PCDHGA4: variants seen among roughly 807,000 people sequenced by gnomAD.
PCDHGA4 encodes protocadherin gamma-A4.
PCDHGA4 carries 38 observed loss-of-function variants against 54.6 expected under a neutral mutation model. The ratio of observed to expected loss-of-function variants is 0.70; its 90% confidence interval spans 0.54 to 0.91. The LOEUF is 0.91. PCDHGA4 is among the 40% of genes least tolerant of loss of function. The pLI, the probability that PCDHGA4 is intolerant of heterozygous loss-of-function variation, is 0.00. For missense variants in PCDHGA4, 1,298 were observed against 1,220.9 expected, an observed-to-expected ratio of 1.06 and a Z score of -0.94; for synonymous variants, 511 against 512.9, an observed-to-expected ratio of 1.00 and a Z score of 0.05.
chr5:141,400,129 C>T (rs530393607), intron 1 of PCDHGA4: 1 of 1,614,104 alleles, frequency 6.2e-7, no homozygotes, highest in Admixed American at 1.7e-5. Flanking sequence ...GCAGGAGGTG[C>T]TGCCGGATAT....
chr5:141,399,356 A>G, intron 1 of PCDHGA4: 1 of 1,614,010 alleles, frequency 6.2e-7, no homozygotes, highest in Non-Finnish European at 8.5e-7. Flanking sequence ...GACCGAGAGC[A>G]AACCCCGGAG....
intron 3 of PCDHGA4, among the ~76,000 whole-genome samples, chr5:141,506,190 C>T (rs1313145580): frequency 6.6e-6 from 1 of 152,180 alleles, no homozygotes; most frequent in Non-Finnish European, 1.5e-5. Flanking sequence ...GTGGCTCACG[C>T]CTGTAATCCC....
chr5:141,385,626 G>T, intron 1 of PCDHGA4: 1 of 1,001,778 alleles, frequency 1.0e-6, no homozygotes, highest in Non-Finnish European at 1.3e-6. Flanking sequence ...ACATTGGAAT[G>T]AATCGAGTCT....
At chr5:141,447,937 T>A (rs1036604034) in intron 1 of PCDHGA4, among the ~76,000 whole-genome samples, 1 of 151,852 alleles carries the variant, frequency 6.6e-6, no homozygotes, top group Non-Finnish European at 1.5e-5. Context: ...AATACAAAAA[T>A]TAGCTGGGCA....
At chr5:141,463,682 G>A (rs62379195) in intron 1 of PCDHGA4, among the ~76,000 whole-genome samples, 7,165 of 151,926 alleles carry the variant, frequency 0.047, 241 homozygotes, top group Middle Eastern at 0.095. Context: ...GGATGACCTC[G>A]TGATCTGCTC....
rs375569568 is a variant in PCDHGA4, at chr5:141,357,473, C to T, written c.2366C>T (p.Ser789Phe). 69 of 1,614,098 alleles carry T rather than the reference C, an allele frequency of 4.3e-5. No individual in the cohort carries two copies. The highest frequency in any genetic ancestry group is 5.3e-5 in the Non-Finnish European group (63 of 1,180,050). The stretch of plus-strand genomic sequence containing the variant: ...CTGCAGACCTATTCCCACGAGGTCT[C>T]CCTCACCGCGGACTCGCGGAAGAGT... ...AFLQTYSHEV[S>F]LTADSRKSHL... The change falls in exon 1 of 4, where the codon TCC becomes TTC. Residue 789 changes from serine to phenylalanine, a missense_variant. Ser to Phe is a radical substitution (Grantham distance 155, BLOSUM62 -2). Transcript: ENST00000571252.
In PCDHGA4 at chr5:141,487,086, TCCCACCACAGAAG is replaced by T. The variant is rs2099639456; in HGVS notation, c.2515-7719_2515-7707del. 6.2e-7 allele frequency: 1 copy of T among 1,613,822 alleles called. No homozygotes were observed. ...ACGGCTGTTCCTATCCCAGCTGACC[TCCCACCACAGAAG>T]CTGGTCATTGTGGTAAAGGATAGTG... On this transcript the variant is annotated intron_variant, in intron 1 of 3. Coordinates refer to ENST00000571252, the MANE Select transcript of PCDHGA4 (RefSeq NM_018917.4). The surrounding 1 kb of genome is among the most constrained non-coding windows in gnomAD (Gnocchi z 5.0).
At chr5:141,405,173 G>A (rs774181376) in intron 1 of PCDHGA4, 1 of 1,614,122 alleles carries the variant, frequency 6.2e-7, no homozygotes, top group Non-Finnish European at 8.5e-7. Context: ...CTCACACTTT[G>A]TGGGTGTAGA....
At chr5:141,366,323 G>A in intron 1 of PCDHGA4, 1 of 1,613,796 alleles carries the variant, frequency 6.2e-7, no homozygotes, top group Non-Finnish European at 8.5e-7. Flanking sequence ...CGTTGCCGTG[G>A]CCGACAGGAT....
intron 1 of PCDHGA4, among the ~76,000 whole-genome samples, chr5:141,437,390 A>T (rs1422429346): frequency 6.6e-6 from 1 of 152,248 alleles, no homozygotes; most frequent in Non-Finnish European, 1.5e-5. Flanking sequence ...ACATTCATCC[A>T]CTGCTTTCAT....
intron 1 of PCDHGA4, among the ~76,000 whole-genome samples, chr5:141,472,862 T>C (rs770564770): frequency 1.3e-5 from 2 of 150,322 alleles, no homozygotes; most frequent in South Asian, 4.2e-4. Flanking sequence ...GGCACATGCC[T>C]GTATTCCCAG....
intron 1 of PCDHGA4, among the ~76,000 whole-genome samples, chr5:141,445,007 G>A (rs771023003): frequency 1.5e-4 from 23 of 151,994 alleles, no homozygotes; most frequent in Non-Finnish European, 2.4e-4. Flanking sequence ...ATTTAATTAG[G>A]TCTTTAATTT....
chr5:141,370,380 G>C (rs1407234552), intron 1 of PCDHGA4: 1 of 1,532,358 alleles, frequency 6.5e-7, no homozygotes, highest in Non-Finnish European at 8.8e-7. Context: ...GAAAGGCAAA[G>C]GCGCAGAGAG....
intron 1 of PCDHGA4, among the ~76,000 whole-genome samples, chr5:141,429,903 T>C (rs1276564046): frequency 2.0e-5 from 3 of 152,252 alleles, no homozygotes; most frequent in African/African-American, 7.2e-5. Flanking sequence ...TAAATATTTT[T>C]GAAATATAAT....
chr5:141,393,307 ACTC>A, intron 1 of PCDHGA4: 1 of 1,613,594 alleles, frequency 6.2e-7, no homozygotes, highest in East Asian at 2.2e-5. Flanking sequence ...GTGGGCGTGA[ACTC>A]CCTCCAGAGC....
At chr5:141,464,426 G>GAT (rs1287556960) in intron 1 of PCDHGA4, among the ~76,000 whole-genome samples, 1 of 151,096 alleles carries the variant, frequency 6.6e-6, no homozygotes, top group African/African-American at 2.4e-5. Flanking sequence ...TATATATATA[G>GAT]ATATATATGT....
At chr5:141,417,628 A>T (rs2096139720) in intron 1 of PCDHGA4, 1 of 692,650 alleles carries the variant, frequency 1.4e-6, no homozygotes, top group Non-Finnish European at 2.3e-6. Context: ...GCAAGCGCTG[A>T]CGCCGGGGAT....
At position 141,359,043 on chromosome 5, in the gene PCDHGA4, T is replaced by C. The variant is rs1437297032; in HGVS notation, c.2514+1422T>C. Among the ~76,000 whole-genome samples, 8 of 152,376 alleles carry C rather than the reference T, an allele frequency of 5.3e-5. No individual in the cohort carries two copies. In the East Asian group the frequency reaches 9.6e-4, roughly 18 times the overall value. On this transcript the variant is annotated intron_variant, in intron 1 of 3. Transcript: ENST00000571252. The stretch of plus-strand genomic sequence containing the variant: ...ATAACTGGAAGTTGTAGTGATAGAC[T>C]GTGGAATATGCCTCAATTTGACTTA...
intron 1 of PCDHGA4, chr5:141,427,957 C>T: frequency 2.5e-6 from 4 of 1,588,402 alleles, no homozygotes; most frequent in South Asian, 1.1e-5. Context: ...GACAATGTGC[C>T]GCGGGTGCTG....
Sources: gnomAD v4.1 joint callset for allele counts (sites outside exome capture counted in the v4.1 genomes callset) on GRCh38, gnomAD v4.1.1 for gene constraint, Gnocchi (gnomAD v3.1) non-coding constraint, MANE v1.5 for transcripts, NCBI Gene and HGNC (gene_info 2026-07-23, HGNC 2026-07-21) for gene names.